Variants in MEGF9 observed in about 807,000 individuals in gnomAD.
MEGF9 encodes multiple epidermal growth factor-like domains protein 9.
In MEGF9, 6 loss-of-function variants were observed where a neutral mutation model predicts 46.8. That is an observed-to-expected ratio of 0.13 (90% CI 0.07 to 0.25). The LOEUF is 0.25. Among genes scored for constraint, MEGF9 ranks in the 10% least tolerant of loss-of-function variants. MEGF9 has a pLI of 1.00. For missense variants in MEGF9, 683 were observed against 792.4 expected, an observed-to-expected ratio of 0.86 and a Z score of 1.66; for synonymous variants, 302 against 330.7, an observed-to-expected ratio of 0.91 and a Z score of 0.94.
chr9:120,665,016 A>C (rs1488652393), intron 1 of MEGF9, among the ~76,000 whole-genome samples: 1 of 152,226 alleles, frequency 6.6e-6, no homozygotes, highest in Non-Finnish European at 1.5e-5. Context: ...TTGTACTATG[A>C]ACATTCAAAA....
chr9:120,678,680 G>A (rs745830579), intron 1 of MEGF9, among the ~76,000 whole-genome samples: 4 of 152,128 alleles, frequency 2.6e-5, no homozygotes, highest in Non-Finnish European at 4.4e-5. Context: ...TGCCATGTTG[G>A]CCATGCTGGT....
intron 2 of MEGF9, among the ~76,000 whole-genome samples, chr9:120,623,176 CT>C (rs754719237): frequency 1.3e-5 from 2 of 152,184 alleles, no homozygotes; most frequent in Non-Finnish European, 2.9e-5. Flanking sequence ...TAAGTCAAGT[CT>C]ATTCATACAA....
chr9:120,628,136 AAAAAT>A (rs1432971356), intron 2 of MEGF9, among the ~76,000 whole-genome samples: 19 of 152,328 alleles, frequency 1.2e-4, no homozygotes, highest in Admixed American at 3.3e-4. Flanking sequence ...TTTTATATGG[AAAAAT>A]AAAATAAAAC....
At chr9:120,628,706 G>A (rs1321628175) in intron 2 of MEGF9, among the ~76,000 whole-genome samples, 3 of 151,974 alleles carry the variant, frequency 2.0e-5, no homozygotes, top group African/African-American at 7.2e-5. Context: ...CCTGATCTTT[G>A]CCCAGGAGGG....
intron 1 of MEGF9, among the ~76,000 whole-genome samples, chr9:120,704,847 T>G (rs997457465): frequency 1.3e-5 from 2 of 152,364 alleles, no homozygotes; most frequent in African/African-American, 2.4e-5. Flanking sequence ...GGAAATTCTG[T>G]CATTCAAAAG....
intron 2 of MEGF9, among the ~76,000 whole-genome samples, chr9:120,629,349 T>A (rs781045408): frequency 8.6e-5 from 13 of 152,016 alleles, no homozygotes; most frequent in African/African-American, 1.9e-4. Flanking sequence ...AAACTTTTAT[T>A]GGAACACAGG....
chr9:120,699,142 T>C (rs1423988873), intron 1 of MEGF9, among the ~76,000 whole-genome samples: 1 of 152,208 alleles, frequency 6.6e-6, no homozygotes, highest in African/African-American at 2.4e-5. Flanking sequence ...ATTTACTTTC[T>C]TTTTGGTGAC....
chr9:120,611,170 T>C (rs1303007219), intron 4 of MEGF9, among the ~76,000 whole-genome samples: 1 of 152,136 alleles, frequency 6.6e-6, no homozygotes, highest in Non-Finnish European at 1.5e-5. Flanking sequence ...GGTGTACTCA[T>C]TTTGGAAAAC....
rs1300261344 is a variant in MEGF9 at position 120,603,423 on chromosome 9, A to T, written c.*1767T>A. The T allele has an allele frequency of 6.6e-6, 1 of 152,208 alleles. No homozygotes were observed. Among genetic ancestry groups the T allele is most frequent in the African/African-American group, 2.4e-5 (1 of 41,460 alleles). 9.4% of individuals were successfully genotyped at this position (152,208 alleles called of 1,614,324 possible). On this transcript the variant is annotated 3_prime_UTR_variant, in exon 6 of 6. Transcript: ENST00000373930. The stretch of plus-strand genomic sequence containing the variant: ...AGCACCCTCAGATTACCAGAAGTAG[A>T]TTATTTGCTTGTACTCCCTCCAGAA...
chr9:120,639,508 TAAAA>T (rs61638928), intron 2 of MEGF9, among the ~76,000 whole-genome samples: 1 of 105,178 alleles, frequency 9.5e-6, no homozygotes, highest in Non-Finnish European at 1.9e-5. Flanking sequence ...ACTCCGTCTT[TAAAA>T]AAAAAAAAAA....
chr9:120,648,566 A>G (rs1005153039), intron 2 of MEGF9, among the ~76,000 whole-genome samples: 10 of 152,184 alleles, frequency 6.6e-5, no homozygotes, highest in Admixed American at 6.5e-4. Context: ...CTATCTTTGC[A>G]AGTCCACTAG....
chr9:120,629,932 CAAA>C (rs1177937335), intron 2 of MEGF9, among the ~76,000 whole-genome samples: 3 of 102,258 alleles, frequency 2.9e-5, no homozygotes, highest in Non-Finnish European at 2.1e-5. Flanking sequence ...GACTCCGTCT[CAAA>C]AAAAAAAAAA....
chr9:120,652,183 A>AAAAAAC (rs2043654819), intron 2 of MEGF9, among the ~76,000 whole-genome samples: 1 of 126,414 alleles, frequency 7.9e-6, no homozygotes, highest in Non-Finnish European at 1.7e-5. Flanking sequence ...CACACACACA[A>AAAAAAC]AAAAAAAAAA....
At chr9:120,631,640 A>G (rs1168845206) in intron 2 of MEGF9, among the ~76,000 whole-genome samples, 6 of 151,734 alleles carry the variant, frequency 4.0e-5, no homozygotes, top group African/African-American at 1.5e-4. Context: ...GTGCACCACC[A>G]TGCCTGGGTA....
At chr9:120,648,078 T>C (rs2043633408) in intron 2 of MEGF9, among the ~76,000 whole-genome samples, 1 of 152,164 alleles carries the variant, frequency 6.6e-6, no homozygotes, top group Non-Finnish European at 1.5e-5. Flanking sequence ...CTTGCTTAGA[T>C]TGTTACAACA....
rs1290868118 is a variant in MEGF9, at chr9:120,714,313, C to T, written c.46G>A (p.Gly16Ser). The T allele has an allele frequency of 3.0e-6, 4 of 1,344,474 alleles. No homozygotes were observed. Among genetic ancestry groups the T allele is most frequent in the Non-Finnish European group, 3.8e-6 (4 of 1,047,110 alleles). 83.3% of individuals were successfully genotyped at this position (1,344,474 alleles called of 1,614,324 possible). A position where few individuals can be genotyped will look rare whatever the true frequency, so the allele number is the denominator to read the frequency against. The change falls in exon 1 of 6, where the codon GGC becomes AGC. Residue 16 changes from glycine (G) to serine (S), a missense_variant. This residue lies in a region of MEGF9 where 370 missense variants were observed against 371.3 expected (regional missense o/e 1.00). Coordinates refer to ENST00000373930, the MANE Select transcript of MEGF9 (RefSeq NM_001080497.3). ...GCGCAGCACAACAGGGCGAGGCCGC[C>T]CAGGCTCGGCAGGCTCCTCATGGCG... ...ERAMRSLPSLGGLALLCCAAA... is the reference protein window; with the variant it reads ...ERAMRSLPSLSGLALLCCAAA...
intron 4 of MEGF9, among the ~76,000 whole-genome samples, chr9:120,610,624 G>A (rs891383977): frequency 2.0e-5 from 3 of 152,090 alleles, no homozygotes; most frequent in African/African-American, 4.8e-5. Context: ...TGAAGCCATT[G>A]CTGATATTCC....
At chr9:120,684,160 T>G (rs754957745) in intron 1 of MEGF9, among the ~76,000 whole-genome samples, 4 of 152,180 alleles carry the variant, frequency 2.6e-5, no homozygotes, top group Admixed American at 6.5e-5. Context: ...CAAACTGTTG[T>G]AGCAATTTGA....
intron 2 of MEGF9, among the ~76,000 whole-genome samples, chr9:120,633,482 CTCTT>C (rs2043559289): frequency 6.6e-6 from 1 of 151,826 alleles, no homozygotes; most frequent in Non-Finnish European, 1.5e-5. Flanking sequence ...TAGGTTTTTT[CTCTT>C]TTTTTCTTGG....
Sources: allele counts gnomAD v4.1 joint callset (sites outside exome capture counted in the v4.1 genomes callset), GRCh38; gene constraint gnomAD v4.1.1; regional missense constraint gnomAD v4.1.1; transcripts MANE v1.5; gene names NCBI Gene and HGNC (gene_info 2026-07-23, HGNC 2026-07-21).